The following PTPRT variants were observed in gnomAD, a reference collection of about 807,000 sequenced individuals.
PTPRT encodes protein tyrosine phosphatase receptor type T, also known as receptor-type tyrosine-protein phosphatase T.
PTPRT carries 56 observed loss-of-function variants against 176.8 expected under a neutral mutation model. The observed-to-expected ratio is 0.32, with a 90% CI of 0.26 to 0.40. PTPRT has a LOEUF of 0.40. PTPRT is among the 10% of genes least tolerant of loss of function. PTPRT has a pLI of 1.00. For missense variants in PTPRT, 1,540 were observed against 1,908.2 expected, an observed-to-expected ratio of 0.81 and a Z score of 3.60; for synonymous variants, 783 against 739.0, an observed-to-expected ratio of 1.06 and a Z score of -0.96.
At chr20:42,269,130 C>T (rs1409475077) in intron 13 of PTPRT, among the ~76,000 whole-genome samples, 1 of 152,224 alleles carries the variant, frequency 6.6e-6, no homozygotes, top group Admixed American at 6.5e-5. Flanking sequence ...CCACATCCCC[C>T]CTTAGCTTTG....
intron 11 of PTPRT, among the ~76,000 whole-genome samples, chr20:42,348,048 G>A (rs914475473): frequency 5.9e-5 from 9 of 152,158 alleles, no homozygotes; most frequent in African/African-American, 2.2e-4. Context: ...CATACTAAGT[G>A]TTCAATAAAT....
At chr20:43,135,366 T>C (rs559123869) in intron 1 of PTPRT, among the ~76,000 whole-genome samples, 7 of 152,284 alleles carry the variant, frequency 4.6e-5, no homozygotes, top group African/African-American at 1.2e-4. Flanking sequence ...CAGATGTTCA[T>C]GATAGTATGT....
At chr20:42,836,529 T>G (rs893251056) in intron 2 of PTPRT, among the ~76,000 whole-genome samples, 6 of 152,278 alleles carry the variant, frequency 3.9e-5, no homozygotes, top group Admixed American at 3.9e-4. Context: ...AAAGGCCAGG[T>G]CTGTCTTGAA....
intron 1 of PTPRT, among the ~76,000 whole-genome samples, chr20:43,045,446 CTTTTTT>C (rs899268477): frequency 4.3e-5 from 6 of 139,370 alleles, no homozygotes; most frequent in Non-Finnish European, 9.0e-5. Context: ...TTTTCTTTTT[CTTTTTT>C]TCATTTTTTT....
chr20:42,278,271 C>G (rs922951088), intron 13 of PTPRT, among the ~76,000 whole-genome samples: 1 of 129,694 alleles, frequency 7.7e-6, no homozygotes. Flanking sequence ...AAAGATACTT[C>G]TCTGTTAAGA....
intron 7 of PTPRT, among the ~76,000 whole-genome samples, chr20:42,549,096 T>G (rs775143673): frequency 9.2e-5 from 14 of 152,124 alleles, no homozygotes; most frequent in Non-Finnish European, 2.1e-4. Flanking sequence ...TCAACTCCAA[T>G]TTATAGTCCA....
At chr20:42,105,419 T>C (rs999657079) in intron 24 of PTPRT, among the ~76,000 whole-genome samples, 3 of 152,210 alleles carry the variant, frequency 2.0e-5, no homozygotes, top group Admixed American at 1.3e-4. Flanking sequence ...TTGTACCTGC[T>C]GTACTCTCCT....
chr20:42,091,313 C>T (rs6065434), intron 27 of PTPRT, among the ~76,000 whole-genome samples: 36,012 of 152,066 alleles, frequency 0.24, 4,704 homozygotes, highest in Non-Finnish European at 0.3. Flanking sequence ...GGTAGCCTCA[C>T]GCATTAAACG....
At chr20:42,436,858 C>CTA (rs2059266497) in intron 9 of PTPRT, among the ~76,000 whole-genome samples, 1 of 152,182 alleles carries the variant, frequency 6.6e-6, no homozygotes, top group African/African-American at 2.4e-5. Context: ...GATGAATGGA[C>CTA]TACAGCTGCA....
At chr20:42,893,747 A>G (rs2145894310) in intron 1 of PTPRT, among the ~76,000 whole-genome samples, 1 of 151,766 alleles carries the variant, frequency 6.6e-6, no homozygotes, top group South Asian at 2.1e-4. Context: ...CATTCTCAGT[A>G]AACTATCGCA....
intron 16 of PTPRT, among the ~76,000 whole-genome samples, chr20:42,197,263 C>T (rs1442739334): frequency 6.6e-6 from 1 of 150,954 alleles, no homozygotes. Context: ...CCTGTATTCC[C>T]AGCTACTTGG....
At chr20:42,761,087 G>A (rs948991159) in intron 5 of PTPRT, among the ~76,000 whole-genome samples, 3 of 152,096 alleles carry the variant, frequency 2.0e-5, no homozygotes, top group African/African-American at 7.2e-5. Flanking sequence ...TATGGTTCTC[G>A]AACCATGGTC....
chr20:42,108,915 C>CTGA (rs1211721157), intron 23 of PTPRT, among the ~76,000 whole-genome samples: 3 of 152,142 alleles, frequency 2.0e-5, no homozygotes, highest in Non-Finnish European at 4.4e-5. Flanking sequence ...CGCCGAAGTC[C>CTGA]TGATGATAAA....
At chr20:42,957,361 T>C (rs935309648) in intron 1 of PTPRT, among the ~76,000 whole-genome samples, 16 of 152,230 alleles carry the variant, frequency 1.1e-4, no homozygotes, top group Non-Finnish European at 1.9e-4. Flanking sequence ...ATTTTTCATA[T>C]AGCTGTAGGT....
rs75912099 is a variant in PTPRT at position 42,647,598 on chromosome 20, C to T, written c.1153+30268G>A. ...AAATCAGCCTGATCCTCAGGAAGTT[C>T]CACACCTAGGTCTCCACTCTCAGCC... On this transcript the variant is annotated intron_variant, in intron 7 of 30. Transcript: ENST00000373187. Among the ~76,000 whole-genome samples, 499 of 152,246 alleles carry T rather than the reference C, an allele frequency of 3.3e-3. 1 individual carries two copies. The highest frequency in any genetic ancestry group is 6.8e-3 in the Middle Eastern group (2 of 294).
intron 13 of PTPRT, chr20:42,270,368 TC>T: frequency 6.4e-6 from 5 of 785,416 alleles, no homozygotes; most frequent in Non-Finnish European, 9.9e-6. Context: ...AACTCTCCCC[TC>T]CCACCCGCCC....
chr20:42,663,431 C>T (rs930042326), intron 7 of PTPRT, among the ~76,000 whole-genome samples: 10 of 152,146 alleles, frequency 6.6e-5, no homozygotes, highest in Non-Finnish European at 1.3e-4. Flanking sequence ...GAGAAGTTTG[C>T]TGCTGCAGGA....
the PTPRT span, among the ~76,000 whole-genome samples, chr20:42,033,703 T>C: frequency 6.6e-6 from 1 of 152,172 alleles, no homozygotes; most frequent in African/African-American, 2.4e-5. Context: ...GTTCATTTTT[T>C]TCAGCTATAA....
rs548608969 is a variant in PTPRT, at chr20:42,126,030, G to A, written c.2847+2724C>T. Reference sequence around the variant, plus strand: ...TACAAGGCGGTGTCTGGGAGTGGGGGGGGGGAGGGGAAGGAGAAAGAGTGC... The same window carrying A: ...TACAAGGCGGTGTCTGGGAGTGGGGAGGGGGAGGGGAAGGAGAAAGAGTGC... On this transcript the variant is annotated intron_variant, in intron 19 of 30. Transcript: ENST00000373187. Among the ~76,000 whole-genome samples, 16 of 151,378 alleles carry A rather than the reference G, an allele frequency of 1.1e-4. 1 individual carries two copies. The highest frequency in any genetic ancestry group is 6.6e-4 in the Admixed American group (10 of 15,196).
Sources: gnomAD v4.1 joint callset for allele counts (sites outside exome capture counted in the v4.1 genomes callset) on GRCh38, gnomAD v4.1.1 for gene constraint, MANE v1.5 for transcripts, NCBI Gene and HGNC (gene_info 2026-07-23, HGNC 2026-07-21) for gene names.